TRPM3: variants seen among roughly 807,000 people sequenced by gnomAD.
The protein encoded by TRPM3 is transient receptor potential cation channel subfamily M member 3.
In TRPM3, 77 loss-of-function variants were observed where a neutral mutation model predicts 181.2. That is an observed-to-expected ratio of 0.42 (90% CI 0.35 to 0.51). The LOEUF (loss-of-function observed/expected upper bound fraction) is 0.51, where lower values mean the gene tolerates loss of function less well. Among genes scored for constraint, TRPM3 ranks in the 20% least tolerant of loss-of-function variants. TRPM3 has a pLI of 0.01. For synonymous variants in TRPM3, 745 were observed against 796.4 expected (o/e 0.94, Z 1.09); for missense variants, 1,759 against 2,196.7 (o/e 0.80, Z 3.98).
At chr9:70,749,537 A>T (rs1375551559) in intron 8 of TRPM3, among the ~76,000 whole-genome samples, 2 of 152,208 alleles carry the variant, frequency 1.3e-5, no homozygotes, top group Non-Finnish European at 1.5e-5. Context: ...CTTATTTTGG[A>T]AACTATAGGG....
chr9:70,656,232 A>G (rs1293950986), intron 9 of TRPM3, among the ~76,000 whole-genome samples: 2 of 152,246 alleles, frequency 1.3e-5, no homozygotes, highest in Non-Finnish European at 2.9e-5. Context: ...AACATTTGGC[A>G]TAGGGGTTAA....
At chr9:71,445,017 T>C (rs865984617) in intron 1 of TRPM3, among the ~76,000 whole-genome samples, 9 of 152,326 alleles carry the variant, frequency 5.9e-5, no homozygotes, top group Middle Eastern at 3.4e-3. Flanking sequence ...ATCATCACCC[T>C]TAGCAAACAG....
chr9:70,801,458 A>G (rs113194984), intron 6 of TRPM3, among the ~76,000 whole-genome samples: 1 of 152,226 alleles, frequency 6.6e-6, no homozygotes, highest in African/African-American at 2.4e-5. Flanking sequence ...GGAAAACAGC[A>G]GCAATACAGC....
chr9:71,236,817 T>A (rs1281855497), intron 1 of TRPM3, among the ~76,000 whole-genome samples: 2 of 151,896 alleles, frequency 1.3e-5, no homozygotes, highest in African/African-American at 4.8e-5. Flanking sequence ...GAGGCAGAAG[T>A]GGGCAGATAA....
intron 1 of TRPM3, among the ~76,000 whole-genome samples, chr9:71,375,327 A>C (rs141118004): frequency 1.7e-4 from 26 of 152,336 alleles, no homozygotes; most frequent in Non-Finnish European, 3.4e-4. Flanking sequence ...GCCAAAGCAG[A>C]AAACTGAAAC....
upstream of TRPM3, among the ~76,000 whole-genome samples, chr9:71,124,365 T>C (rs181758189): frequency 1.1e-3 from 165 of 151,106 alleles, no homozygotes; most frequent in African/African-American, 3.8e-3. Context: ...ATCTCACAAA[T>C]TCAAAGTGCT....
At chr9:70,753,475 A>ACTGAATGACTAG (rs2076538184) in intron 8 of TRPM3, among the ~76,000 whole-genome samples, 1 of 152,192 alleles carries the variant, frequency 6.6e-6, no homozygotes, top group Admixed American at 6.5e-5. Flanking sequence ...ATCCAATTAG[A>ACTGAATGACTAG]CTGAATGACT....
At chr9:70,680,071 T>C (rs1402798318) in intron 9 of TRPM3, among the ~76,000 whole-genome samples, 3 of 152,160 alleles carry the variant, frequency 2.0e-5, no homozygotes, top group African/African-American at 7.2e-5. Context: ...GCAATCAGGA[T>C]TTTGAATGAA....
At chr9:71,186,072 T>TA (rs1352235410) in intron 1 of TRPM3, among the ~76,000 whole-genome samples, 4 of 152,084 alleles carry the variant, frequency 2.6e-5, no homozygotes, top group African/African-American at 9.7e-5. Flanking sequence ...TGCATAACTC[T>TA]AACCTCTGAC....
chr9:70,788,163 T>G (rs7034508), intron 6 of TRPM3, among the ~76,000 whole-genome samples: 4,142 of 54,280 alleles, frequency 0.076, 139 homozygotes, highest in Middle Eastern at 0.17. Flanking sequence ...CCCTCCCCCC[T>G]CCCCCCACCC....
intron 1 of TRPM3, among the ~76,000 whole-genome samples, chr9:71,276,960 G>A (rs147396278): frequency 7.2e-5 from 11 of 152,214 alleles, no homozygotes; most frequent in African/African-American, 2.2e-4. Context: ...ATACTATACT[G>A]CCATGAAAAA....
Position 71,287,856 on chromosome 9 carries a change from G to C in TRPM3, c.183+158797C>G, listed in dbSNP as rs76705136. Among the ~76,000 whole-genome samples, 8 of 152,146 alleles carry C rather than the reference G, an allele frequency of 5.3e-5. No individual in the cohort carries two copies. In the East Asian group the frequency reaches 1.4e-3, roughly 26 times the overall value. On this transcript the variant is annotated intron_variant, in intron 1 of 24. Coordinates refer to the TRPM3 transcript ENST00000357533. ...ACATACGCAGTAACAGCTGGAATTT[G>C]GATTTTGGAAGCAGCTACTGTAAAA...
chr9:71,289,236 T>A (rs2085570452), intron 1 of TRPM3, among the ~76,000 whole-genome samples: 1 of 152,148 alleles, frequency 6.6e-6, no homozygotes, highest in Non-Finnish European at 1.5e-5. Context: ...AAATATTTAG[T>A]ATCTATAAAT....
intron 1 of TRPM3, among the ~76,000 whole-genome samples, chr9:71,320,909 A>G (rs1426778106): frequency 1.3e-5 from 2 of 152,006 alleles, no homozygotes; most frequent in Admixed American, 6.6e-5. Flanking sequence ...ACATCCCGCT[A>G]CCCATGCATA....
At chr9:71,392,717 A>T (rs1275165562) in intron 1 of TRPM3, among the ~76,000 whole-genome samples, 4 of 152,076 alleles carry the variant, frequency 2.6e-5, no homozygotes, top group Admixed American at 2.6e-4. Flanking sequence ...ATAGTTAACT[A>T]TGTGCACCTC....
At chr9:70,559,550 T>C (rs781671949) in intron 22 of TRPM3, among the ~76,000 whole-genome samples, 8 of 152,220 alleles carry the variant, frequency 5.3e-5, no homozygotes, top group Non-Finnish European at 8.8e-5. Context: ...ATACCCCATC[T>C]TGCATCCATG....
chr9:71,307,974 C>CTT (rs1195485360), intron 1 of TRPM3, among the ~76,000 whole-genome samples: 4 of 142,214 alleles, frequency 2.8e-5, no homozygotes, highest in African/African-American at 5.1e-5. Context: ...TTCTTTCTTT[C>CTT]TTTTTTTTTT....
chr9:71,095,531 G>C (rs1433838721), intron 1 of TRPM3, among the ~76,000 whole-genome samples: 1 of 152,054 alleles, frequency 6.6e-6, no homozygotes, highest in Non-Finnish European at 1.5e-5. Context: ...GGCCAAGGAG[G>C]GTGGATCAGC....
chr9:70,798,874 G>C (rs1437624947), intron 6 of TRPM3, among the ~76,000 whole-genome samples: 1 of 152,166 alleles, frequency 6.6e-6, no homozygotes, highest in Non-Finnish European at 1.5e-5. Flanking sequence ...GCAGTGGTCA[G>C]AGACCTAGAG....
Sources: allele counts gnomAD v4.1 joint callset (sites outside exome capture counted in the v4.1 genomes callset), GRCh38; gene constraint gnomAD v4.1.1; transcripts MANE v1.5; gene names NCBI Gene and HGNC (gene_info 2026-07-23, HGNC 2026-07-21).